Variants in GRIK1 observed in about 807,000 individuals in gnomAD.
GRIK1 encodes glutamate ionotropic receptor kainate type subunit 1, also known as glutamate receptor ionotropic, kainate 1.
In GRIK1, 69 loss-of-function variants were observed where a neutral mutation model predicts 105.7. That is an observed-to-expected ratio of 0.65 (90% CI 0.54 to 0.80). The LOEUF (loss-of-function observed/expected upper bound fraction) is 0.80. Among genes scored for constraint, GRIK1 ranks in the 30% least tolerant of loss-of-function variants. GRIK1 has a pLI of 0.00. For synonymous variants in GRIK1, 438 were observed against 431.3 expected (o/e 1.02, Z -0.19); for missense variants, 1,109 against 1,167.3 (o/e 0.95, Z 0.73).
intron 1 of GRIK1, chr21:29,758,899 G>A (rs928951066): frequency 9.1e-5 from 14 of 153,124 alleles, no homozygotes; most frequent in African/African-American, 3.4e-4. Context: ...GCTGTCTCTG[G>A]ATGCACAAGG....
chr21:29,701,696 GC>G (rs1381269296), intron 1 of GRIK1, among the ~76,000 whole-genome samples: 1 of 152,206 alleles, frequency 6.6e-6, no homozygotes, highest in Non-Finnish European at 1.5e-5. Context: ...CAAGAACAAA[GC>G]ACAGGGAGAT....
intron 1 of GRIK1, among the ~76,000 whole-genome samples, chr21:29,937,756 A>G (rs1175612796): frequency 1.3e-5 from 2 of 152,002 alleles, no homozygotes; most frequent in Non-Finnish European, 2.9e-5. Context: ...ATTGGAAATT[A>G]TAACACACAC....
At chr21:29,570,843 CT>C (rs34929553) in intron 14 of GRIK1, among the ~76,000 whole-genome samples, 75 of 145,974 alleles carry the variant, frequency 5.1e-4, no homozygotes, top group Admixed American at 6.8e-4. Context: ...CTTAGAGTTG[CT>C]TTTTTTTTTT....
chr21:29,903,672 A>T (rs1167673054), intron 1 of GRIK1, among the ~76,000 whole-genome samples: 1 of 152,232 alleles, frequency 6.6e-6, no homozygotes, highest in Non-Finnish European at 1.5e-5. Flanking sequence ...AAACGCTTTT[A>T]TACTGTTGGT....
At position 29,699,490 on chromosome 21, in the gene GRIK1, CA is replaced by C. The variant is rs150158874; in HGVS notation, c.119-5428del. Among the ~76,000 whole-genome samples the C allele has an allele frequency of 8.4e-3, 1,278 of 152,206 alleles. 31 individuals are homozygous for C. Among genetic ancestry groups the C allele is most frequent in the African/African-American group, 0.029 (1,212 of 41,514 alleles). On this transcript the variant is annotated intron_variant, in intron 1 of 17. Coordinates refer to ENST00000327783, the MANE Select transcript of GRIK1 (RefSeq NM_001330994.2). ...CATGGAGAGAGGCCTCTGGAGAAAC[CA>C]AACCTGCCGACACCTCCATCTTGGA...
At chr21:29,748,391 A>T (rs552785970) in intron 1 of GRIK1, 1 of 152,336 alleles carries the variant, frequency 6.6e-6, no homozygotes, top group African/African-American at 2.4e-5. Context: ...TGTCTGTCTG[A>T]ACAATTCCTC....
At chr21:29,915,063 A>C (rs1403510135) in intron 1 of GRIK1, among the ~76,000 whole-genome samples, 1 of 152,114 alleles carries the variant, frequency 6.6e-6, no homozygotes, top group African/African-American at 2.4e-5. Flanking sequence ...AAGTATCATC[A>C]AAAAATGACT....
intron 1 of GRIK1, among the ~76,000 whole-genome samples, chr21:29,699,841 G>A (rs935871866): frequency 1.3e-5 from 2 of 151,984 alleles, no homozygotes; most frequent in African/African-American, 4.8e-5. Flanking sequence ...TACAGAGAGG[G>A]TTTCGGCATG....
chr21:29,580,183 T>C (rs1752472734), intron 13 of GRIK1, among the ~76,000 whole-genome samples: 1 of 148,660 alleles, frequency 6.7e-6, no homozygotes, highest in African/African-American at 2.5e-5. Context: ...ATGTATATAT[T>C]TTCTAATGTC....
chr21:29,560,582 T>TTCTTTCTTTCTTTCTTTCTC (rs2090453103), intron 15 of GRIK1, among the ~76,000 whole-genome samples: 1 of 116,382 alleles, frequency 8.6e-6, no homozygotes, highest in Non-Finnish European at 1.8e-5. Context: ...CTTTCTCTCT[T>TTCTTTCTTTCTTTCTTTCTC]TCTTTCTTTC....
intron 1 of GRIK1, among the ~76,000 whole-genome samples, chr21:29,890,274 A>G (rs2069844282): frequency 1.3e-5 from 2 of 152,192 alleles, no homozygotes; most frequent in Admixed American, 6.5e-5. Context: ...GTTTAAGTGC[A>G]TATAGAAACT....
chr21:29,904,740 C>T (rs7280070), intron 1 of GRIK1, among the ~76,000 whole-genome samples: 1,992 of 152,274 alleles, frequency 0.013, 50 homozygotes, highest in African/African-American at 0.046. Flanking sequence ...AAGCACCCTA[C>T]CAAGGGCTGG....
chr21:29,633,914 C>T (rs2062339964), intron 7 of GRIK1, among the ~76,000 whole-genome samples: 1 of 152,128 alleles, frequency 6.6e-6, no homozygotes, highest in African/African-American at 2.4e-5. Context: ...GAGGTTGCTG[C>T]CAGACCCAAT....
intron 13 of GRIK1, among the ~76,000 whole-genome samples, chr21:29,579,930 C>T (rs1357694134): frequency 6.7e-6 from 1 of 148,590 alleles, no homozygotes; most frequent in Admixed American, 6.7e-5. Flanking sequence ...TGCATGCATG[C>T]TCTGTGAAAC....
intron 7 of GRIK1, among the ~76,000 whole-genome samples, chr21:29,624,708 A>G (rs1029231163): frequency 6.6e-6 from 1 of 152,232 alleles, no homozygotes; most frequent in Non-Finnish European, 1.5e-5. Context: ...ATTATTTTCA[A>G]GTTGTAATTA....
At chr21:29,633,959 G>T (rs1226208109) in intron 7 of GRIK1, among the ~76,000 whole-genome samples, 1 of 152,148 alleles carries the variant, frequency 6.6e-6, no homozygotes, top group Non-Finnish European at 1.5e-5. Context: ...GCTTGTCCTG[G>T]CAATCGAGAT....
chr21:29,921,753 G>A (rs569257936), intron 1 of GRIK1, among the ~76,000 whole-genome samples: 51 of 152,160 alleles, frequency 3.4e-4, no homozygotes, highest in Non-Finnish European at 6.2e-4. Flanking sequence ...CTTTAATATT[G>A]CTATACAAAT....
intron 1 of GRIK1, among the ~76,000 whole-genome samples, chr21:29,841,293 AG>A (rs973757928): frequency 2.0e-5 from 3 of 152,176 alleles, no homozygotes; most frequent in African/African-American, 7.2e-5. Context: ...AAATTTGTAA[AG>A]TCTGCATCAA....
chr21:29,820,939 C>T (rs1175521538), intron 1 of GRIK1, among the ~76,000 whole-genome samples: 1 of 151,790 alleles, frequency 6.6e-6, no homozygotes, highest in East Asian at 1.9e-4. Context: ...AACCATAATT[C>T]CTAAGCCCAC....
Sources: gnomAD v4.1 joint callset for allele counts (sites outside exome capture counted in the v4.1 genomes callset) on GRCh38, gnomAD v4.1.1 for gene constraint, MANE v1.5 for transcripts, NCBI Gene and HGNC (gene_info 2026-07-23, HGNC 2026-07-21) for gene names.